SLC22A25: variants seen among roughly 807,000 people sequenced by gnomAD.
SLC22A25 encodes the protein MGI:2442751, MGI:2385316, MGI:3042283, MGI:3645714, MGI:3605624, MGI:2442750.
A neutral mutation model predicts 45.9 loss-of-function variants in SLC22A25; 44 were observed. The observed-to-expected ratio is 0.96, with a 90% CI of 0.75 to 1.23. The LOEUF is 1.23. SLC22A25 is among the 50% of genes most tolerant of loss of function. The probability of loss-of-function intolerance (pLI) is 0.00; values close to 1 mark genes in which losing one functional copy is unlikely to be tolerated. For missense variants in SLC22A25, 800 were observed against 666.4 expected (o/e 1.20, Z -2.21); for synonymous variants, 283 against 238.6 (o/e 1.19, Z -1.72).
At chr11:63,186,624 C>T (rs1361185853) in intron 7 of SLC22A25, among the ~76,000 whole-genome samples, 1 of 152,138 alleles carries the variant, frequency 6.6e-6, no homozygotes, top group Non-Finnish European at 1.5e-5. Context: ...TTGCCCATGC[C>T]TATGTCCTGA....
At chr11:63,201,106 C>T (rs913138148) in intron 7 of SLC22A25, among the ~76,000 whole-genome samples, 1 of 152,014 alleles carries the variant, frequency 6.6e-6, no homozygotes. Context: ...CAATGCTATT[C>T]CTATTCAGCT....
chr11:63,239,084 C>A lies in SLC22A25; in HGVS notation c.-944G>T, dbSNP rs2090207877. On this transcript the variant is annotated 5_prime_UTR_variant, in exon 2 of 12. Coordinates refer to ENST00000306494, the MANE Select transcript of SLC22A25 (RefSeq NM_199352.6). The stretch of plus-strand genomic sequence containing the variant: ...AAGGATCTGAAATCTCCCCAAGCCA[C>A]CAACTTGATCCAAGAAGTCCTGAAA... 1 of 174,288 alleles carries A rather than the reference C, an allele frequency of 5.7e-6. No individual in the cohort carries two copies. The highest frequency in any genetic ancestry group is 1.3e-5 in the Non-Finnish European group (1 of 78,588). 10.8% of individuals were successfully genotyped at this position (174,288 alleles called of 1,614,324 possible). A position where few individuals can be genotyped will look rare whatever the true frequency, so the allele number is the denominator to read the frequency against.
rs144729962 is a variant in SLC22A25 at position 63,163,952 on chromosome 11, T to C, written c.1516A>G (p.Ile506Val). The change falls in exon 12 of 12, where the codon ATC (isoleucine) becomes GTC (valine). Residue 506 changes from isoleucine to valine, a missense_variant. Transcript: ENST00000306494. ...AGGAGGACAACAAGGCCAGAGAGGATGGCAAAGACTCCATAGATGATCCAG... is the reference window on the plus strand; with the variant it reads ...AGGAGGACAACAAGGCCAGAGAGGACGGCAAAGACTCCATAGATGATCCAG... ...LPWIIYGVFA[I>V]LSGLVVLLLP... 1.2e-6 allele frequency: 2 copies of C among 1,613,926 alleles called. No individual in the cohort carries two copies. The highest frequency in any genetic ancestry group is 1.7e-6 in the Non-Finnish European group (2 of 1,179,910).
At chr11:63,189,978 T>C (rs2134751805) in intron 7 of SLC22A25, among the ~76,000 whole-genome samples, 1 of 152,304 alleles carries the variant, frequency 6.6e-6, no homozygotes, top group Admixed American at 6.5e-5. Flanking sequence ...GCCCTTAACA[T>C]TTTTTCCTTC....
At chr11:63,184,376 C>A (rs182884599) in intron 7 of SLC22A25, among the ~76,000 whole-genome samples, 1 of 152,028 alleles carries the variant, frequency 6.6e-6, no homozygotes, top group Non-Finnish European at 1.5e-5. Context: ...AATGGATGAG[C>A]CTGACAAGGA....
chr11:63,216,884 G>T (rs1334458474), intron 7 of SLC22A25, among the ~76,000 whole-genome samples: 1 of 152,072 alleles, frequency 6.6e-6, no homozygotes, highest in African/African-American at 2.4e-5. Context: ...GAGCAGCAAT[G>T]ATTTTTTTAG....
intron 3 of SLC22A25, among the ~76,000 whole-genome samples, chr11:63,231,218 G>A (rs1306579968): frequency 3.3e-5 from 5 of 152,150 alleles, no homozygotes; most frequent in Non-Finnish European, 7.4e-5. Context: ...TCCTTGAGGA[G>A]TCACCACACT....
intron 5 of SLC22A25, among the ~76,000 whole-genome samples, chr11:63,227,461 G>A (rs1032052882): frequency 1.3e-5 from 2 of 152,148 alleles, no homozygotes; most frequent in African/African-American, 4.8e-5. Flanking sequence ...GTCCTCAAAT[G>A]AAGGGATCAT....
At chr11:63,186,609 A>C (rs370473555) in intron 7 of SLC22A25, among the ~76,000 whole-genome samples, 3 of 152,100 alleles carry the variant, frequency 2.0e-5, no homozygotes, top group African/African-American at 7.2e-5. Flanking sequence ...TTAGACATGA[A>C]GTCCTTGCCC....
chr11:63,198,910 T>C (rs1402521601), intron 7 of SLC22A25, among the ~76,000 whole-genome samples: 2 of 152,050 alleles, frequency 1.3e-5, no homozygotes, highest in Non-Finnish European at 2.9e-5. Flanking sequence ...TAAGGCAGTG[T>C]TAAGGTGGAA....
chr11:63,172,430 A>T (rs11231391), intron 9 of SLC22A25, among the ~76,000 whole-genome samples: 55,073 of 151,974 alleles, frequency 0.36, 10,317 homozygotes, highest in East Asian at 0.56. Context: ...TCTACAAGGA[A>T]CTAATCAAAT....
intron 9 of SLC22A25, among the ~76,000 whole-genome samples, chr11:63,174,318 G>C (rs1417771401): frequency 6.6e-6 from 1 of 152,032 alleles, no homozygotes; most frequent in Admixed American, 6.6e-5. Context: ...ATTTTCTCTA[G>C]GATAGCAATG....
rs1248347193 is a variant in SLC22A25, at chr11:63,162,082, C to T, written c.*1742G>A. On this transcript the variant is annotated 3_prime_UTR_variant, in exon 12 of 12. Transcript: ENST00000306494. ...TCTGTATGTCTTCTTTTGAGAAATA[C>T]CTATTCACGTTGCCCATTGTTTGAT... Among the ~76,000 whole-genome samples, 5 of 152,124 alleles carry T rather than the reference C, an allele frequency of 3.3e-5. No homozygotes were observed. The highest frequency in any genetic ancestry group is 4.8e-5 in the African/African-American group (2 of 41,428).
intron 9 of SLC22A25, among the ~76,000 whole-genome samples, chr11:63,176,384 C>T (rs1419091075): frequency 6.6e-6 from 1 of 151,776 alleles, no homozygotes; most frequent in East Asian, 1.9e-4. Flanking sequence ...TTGTTTATTT[C>T]ATCAATGTTT....
At chr11:63,240,421 T>C (rs1047275966) in intron 1 of SLC22A25, among the ~76,000 whole-genome samples, 13 of 152,206 alleles carry the variant, frequency 8.5e-5, no homozygotes, top group Non-Finnish European at 1.6e-4. Context: ...TCATAAGATA[T>C]ACCTTATAAA....
intron 9 of SLC22A25, among the ~76,000 whole-genome samples, chr11:63,180,452 A>G (rs2088277664): frequency 3.3e-5 from 5 of 152,180 alleles, no homozygotes. Flanking sequence ...GCCTGGTAGA[A>G]TGATGTTATA....
At chr11:63,209,580 G>A (rs1249130235) in intron 7 of SLC22A25, among the ~76,000 whole-genome samples, 2 of 152,116 alleles carry the variant, frequency 1.3e-5, no homozygotes, top group Admixed American at 6.6e-5. Flanking sequence ...CTGCTCAGGC[G>A]AACCACAGGC....
At chr11:63,170,362 A>G (rs2087834649) in intron 9 of SLC22A25, among the ~76,000 whole-genome samples, 1 of 152,166 alleles carries the variant, frequency 6.6e-6, no homozygotes, top group Non-Finnish European at 1.5e-5. Flanking sequence ...ACTCATAAAA[A>G]TCAATGAATC....
chr11:63,165,928 G>T, intron 10 of SLC22A25, 116 bp downstream of exon 10: 1 of 1,288,244 alleles, frequency 7.8e-7, no homozygotes, highest in Non-Finnish European at 1.1e-6. Context: ...TTCTATCAGG[G>T]AATCCTGAGA....
Sources: allele counts gnomAD v4.1 joint callset (sites outside exome capture counted in the v4.1 genomes callset), GRCh38; gene constraint gnomAD v4.1.1; transcripts MANE v1.5; gene names NCBI Gene and HGNC (gene_info 2026-07-23, HGNC 2026-07-21).